Variants in OSBPL8 observed in about 807,000 individuals in gnomAD.
The protein encoded by OSBPL8 is oxysterol binding protein like 8.
OSBPL8 carries 59 observed loss-of-function variants against 125.5 expected under a neutral mutation model. The observed-to-expected ratio is 0.47, with a 90% confidence interval of 0.38 to 0.58. The LOEUF (loss-of-function observed/expected upper bound fraction) is 0.58, where lower values mean the gene tolerates loss of function less well. OSBPL8 is among the 20% of genes least tolerant of loss of function. The pLI, the probability that OSBPL8 is intolerant of heterozygous loss-of-function variation, is 0.00. For missense variants in OSBPL8, 758 were observed against 1,047.8 expected (o/e 0.72, Z 3.82); for synonymous variants, 330 against 338.9 (o/e 0.97, Z 0.29).
chr12:76,479,380 A>AT (rs1374465869), intron 2 of OSBPL8, among the ~76,000 whole-genome samples: 5 of 152,310 alleles, frequency 3.3e-5, no homozygotes, highest in Middle Eastern at 3.4e-3. Flanking sequence ...GAAGATTTTT[A>AT]TTGCATTAAA....
At chr12:76,514,311 A>ATT (rs372291232) in intron 1 of OSBPL8, among the ~76,000 whole-genome samples, 1,510 of 144,948 alleles carry the variant, frequency 0.01, 12 homozygotes, top group Non-Finnish European at 0.015. Context: ...CGCCCAGCTA[A>ATT]TTTTTTTTTT....
At chr12:76,421,166 C>T (rs1225502096) in intron 4 of OSBPL8, among the ~76,000 whole-genome samples, 1 of 151,670 alleles carries the variant, frequency 6.6e-6, no homozygotes, top group Non-Finnish European at 1.5e-5. Context: ...AGCTTGTTGG[C>T]CTAAAAAATG....
chr12:76,556,929 G>C (rs1041229748), intron 1 of OSBPL8, among the ~76,000 whole-genome samples: 1 of 152,122 alleles, frequency 6.6e-6, no homozygotes, highest in Non-Finnish European at 1.5e-5. Flanking sequence ...CTCCCAAAGT[G>C]CTAGCATTAC....
chr12:76,551,100 A>AAC lies in OSBPL8; in HGVS notation c.-68+8295_-68+8296dup, dbSNP rs139067397. ...TATAGTATATCAAGGAAGAGAGGAAAACACACACACACACACTAGAAACTA... is the reference window on the plus strand; with the variant it reads ...TATAGTATATCAAGGAAGAGAGGAAAACACACACACACACACACTAGAAACTA... On this transcript the variant is annotated intron_variant, in intron 1 of 23. Coordinates refer to ENST00000261183, the MANE Select transcript of OSBPL8 (RefSeq NM_020841.5). 9.2e-3 allele frequency among the ~76,000 whole-genome samples: 1,399 copies of AAC among 151,502 alleles called. 11 individuals carry two copies. Among genetic ancestry groups the AAC allele is most frequent in the Non-Finnish European group, 0.014 (940 of 67,790 alleles).
At chr12:76,360,137 C>A (rs553940122) in intron 21 of OSBPL8, among the ~76,000 whole-genome samples, 12 of 152,230 alleles carry the variant, frequency 7.9e-5, no homozygotes, top group Admixed American at 7.8e-4. Flanking sequence ...TGCCTATGAG[C>A]CTGTAAAATG....
At chr12:76,529,786 G>C (rs1165687692) in intron 1 of OSBPL8, among the ~76,000 whole-genome samples, 5 of 152,186 alleles carry the variant, frequency 3.3e-5, no homozygotes, top group Non-Finnish European at 7.4e-5. Flanking sequence ...TGTGAAAGAG[G>C]AAACCAATGA....
intron 1 of OSBPL8, among the ~76,000 whole-genome samples, chr12:76,513,912 G>A (rs1306054186): frequency 6.6e-6 from 1 of 151,778 alleles, no homozygotes; most frequent in Non-Finnish European, 1.5e-5. Flanking sequence ...TTTTAAGTGG[G>A]GCACTGAAGG....
At chr12:76,531,945 G>A (rs951950598) in intron 1 of OSBPL8, among the ~76,000 whole-genome samples, 2 of 149,828 alleles carry the variant, frequency 1.3e-5, no homozygotes, top group African/African-American at 4.9e-5. Context: ...GCTGAGGCAG[G>A]AGAATGGCGT....
intron 2 of OSBPL8, among the ~76,000 whole-genome samples, chr12:76,465,193 T>C (rs921201411): frequency 3.9e-5 from 6 of 152,212 alleles, no homozygotes; most frequent in African/African-American, 1.4e-4. Flanking sequence ...TATTTAAAAA[T>C]AACCTAATCG....
At chr12:76,425,445 A>G (rs1465080897) in intron 4 of OSBPL8, among the ~76,000 whole-genome samples, 1 of 152,226 alleles carries the variant, frequency 6.6e-6, no homozygotes, top group Non-Finnish European at 1.5e-5. Context: ...TTCTGTCATG[A>G]GACTCCAGTT....
At chr12:76,456,778 ATGT>A (rs1388176549) in intron 3 of OSBPL8, among the ~76,000 whole-genome samples, 3 of 152,258 alleles carry the variant, frequency 2.0e-5, no homozygotes, top group South Asian at 2.1e-4. Flanking sequence ...GCTAAAGAAA[ATGT>A]TATTAAGAAA....
In OSBPL8 at chr12:76,388,742, A is replaced by G. The variant is rs1006151254; in HGVS notation, c.1352+903T>C. ...CCTTTTTCTGTAAGTTTCCTTTTCTATAGAATCATTTTCATTCAATTTTTA... is the reference window on the plus strand; with the variant it reads ...CCTTTTTCTGTAAGTTTCCTTTTCTGTAGAATCATTTTCATTCAATTTTTA... On this transcript the variant is annotated intron_variant, in intron 12 of 23. Coordinates refer to ENST00000261183, the MANE Select transcript of OSBPL8 (RefSeq NM_020841.5). Among the ~76,000 whole-genome samples the G allele has an allele frequency of 5.3e-5, 8 of 152,206 alleles. 1 individual carries two copies. In the East Asian group the frequency reaches 1.5e-3, roughly 29 times the overall value.
intron 1 of OSBPL8, among the ~76,000 whole-genome samples, chr12:76,547,560 C>A (rs1348531700): frequency 1.3e-5 from 2 of 152,042 alleles, no homozygotes; most frequent in Non-Finnish European, 2.9e-5. Flanking sequence ...CCAAAGATAA[C>A]ACAGAAGACA....
chr12:76,419,932 T>A (rs1201718088), intron 4 of OSBPL8, among the ~76,000 whole-genome samples: 1 of 152,162 alleles, frequency 6.6e-6, no homozygotes, highest in East Asian at 1.9e-4. Flanking sequence ...CATTAGACAA[T>A]CTCTAGTGTA....
chr12:76,467,667 T>G (rs1875625224), intron 2 of OSBPL8, among the ~76,000 whole-genome samples: 1 of 152,166 alleles, frequency 6.6e-6, no homozygotes. Flanking sequence ...CAGTCTTTTT[T>G]TTTTCACTTC....
chr12:76,392,830 C>G (rs1049036618), intron 9 of OSBPL8, 78 bp from the exon 10 acceptor site: 12 of 1,383,274 alleles, frequency 8.7e-6, no homozygotes, highest in African/African-American at 1.4e-5. Flanking sequence ...ACCCTGTTAC[C>G]ACTATTTCTT....
At chr12:76,373,805 T>G (rs554624765) in intron 17 of OSBPL8, among the ~76,000 whole-genome samples, 1 of 152,110 alleles carries the variant, frequency 6.6e-6, no homozygotes, top group African/African-American at 2.4e-5. Flanking sequence ...CTAATGGAAT[T>G]AACGATCCAT....
intron 1 of OSBPL8, among the ~76,000 whole-genome samples, chr12:76,501,180 T>C (rs1879864860): frequency 1.3e-5 from 2 of 152,210 alleles, no homozygotes; most frequent in South Asian, 2.1e-4. Flanking sequence ...TTTTCTTAGA[T>C]TTAAATCCCA....
At chr12:76,480,700 C>T (rs1303064138) in intron 2 of OSBPL8, among the ~76,000 whole-genome samples, 3 of 152,158 alleles carry the variant, frequency 2.0e-5, no homozygotes, top group Admixed American at 6.5e-5. Context: ...GGCAACTCCT[C>T]GGGTGAGATG....
Sources: gnomAD v4.1 joint callset for allele counts (sites outside exome capture counted in the v4.1 genomes callset) on GRCh38, gnomAD v4.1.1 for gene constraint, MANE v1.5 for transcripts, NCBI Gene and HGNC (gene_info 2026-07-23, HGNC 2026-07-21) for gene names.